The following ATP9A variants were observed in gnomAD, a reference collection of about 807,000 sequenced individuals.
ATP9A encodes probable phospholipid-transporting ATPase IIA.
A neutral mutation model predicts 144.1 loss-of-function variants in ATP9A; 52 were observed. The ratio of observed to expected loss-of-function variants is 0.36; its 90% CI spans 0.29 to 0.45. ATP9A has a LOEUF of 0.45. ATP9A is among the 20% of genes least tolerant of loss of function. ATP9A has a pLI of 1.00. For synonymous variants in ATP9A, 582 were observed against 557.4 expected (o/e 1.04, Z -0.62); for missense variants, 947 against 1,392.7 (o/e 0.68, Z 5.09).
intron 6 of ATP9A, among the ~76,000 whole-genome samples, chr20:51,695,679 C>T (rs766665238): frequency 6.6e-5 from 10 of 152,070 alleles, no homozygotes; most frequent in Admixed American, 1.3e-4. Context: ...GAAAAGACGC[C>T]CACCTCTCCC....
At chr20:51,653,292 G>A (rs2077374703) in intron 14 of ATP9A, among the ~76,000 whole-genome samples, 1 of 151,886 alleles carries the variant, frequency 6.6e-6, no homozygotes. Context: ...TTGAGAAAAA[G>A]CGGCCGAGAA....
chr20:51,672,496 C>T (rs1049359566), intron 11 of ATP9A, among the ~76,000 whole-genome samples: 5 of 152,126 alleles, frequency 3.3e-5, no homozygotes, highest in African/African-American at 1.2e-4. Context: ...GCAGTCAAGT[C>T]ACTAAAGTGG....
intron 4 of ATP9A, among the ~76,000 whole-genome samples, chr20:51,711,852 ATTTTTTTTTTTTTTT>A (rs11469394): frequency 8.3e-6 from 1 of 120,922 alleles, no homozygotes; most frequent in South Asian, 2.6e-4. Context: ...TTCAATTTCA[ATTTTTTTTTTTTTTT>A]TTTTTTTGAG....
At chr20:51,628,275 C>T (rs146764729) in intron 16 of ATP9A, among the ~76,000 whole-genome samples, 1 of 152,318 alleles carries the variant, frequency 6.6e-6, no homozygotes, top group Non-Finnish European at 1.5e-5. Context: ...CAAAAATGGC[C>T]TGAAAACTGC....
chr20:51,727,918 G>A (rs1230098859), intron 2 of ATP9A, among the ~76,000 whole-genome samples: 10 of 117,276 alleles, frequency 8.5e-5, no homozygotes, highest in African/African-American at 3.1e-4. Context: ...GCAACAGAGG[G>A]AGACTCAGTC....
Position 51,768,127 on chromosome 20 carries a change from G to A in ATP9A, c.68+175C>T, listed in dbSNP as rs1043920696. 5.4e-4 allele frequency among the ~76,000 whole-genome samples: 82 copies of A among 152,044 alleles called. 1 individual carries two copies. The highest frequency in any genetic ancestry group is 1.9e-3 in the African/African-American group (78 of 41,520). On this transcript the variant is annotated intron_variant, in intron 1 of 27. Coordinates refer to ENST00000338821, the MANE Select transcript of ATP9A (RefSeq NM_006045.3). ...AAGGGCCGGCATCAGGCTAGGTGCC[G>A]CCCGGGGCTGAAGCGCAGGGACCCC...
chr20:51,743,726 T>C (rs150972334), intron 1 of ATP9A, among the ~76,000 whole-genome samples: 3,201 of 13,694 alleles, frequency 0.23, 47 homozygotes, highest in East Asian at 0.35. Flanking sequence ...AGTAAGAAAT[T>C]AGGCCGGGCA....
At chr20:51,695,418 G>A (rs893000929) in intron 6 of ATP9A, among the ~76,000 whole-genome samples, 3 of 145,402 alleles carry the variant, frequency 2.1e-5, no homozygotes, top group Non-Finnish European at 4.5e-5. Flanking sequence ...AGCCGAGATC[G>A]TACCACTACA....
chr20:51,647,300 G>A (rs2122757618), intron 14 of ATP9A, among the ~76,000 whole-genome samples: 1 of 152,250 alleles, frequency 6.6e-6, no homozygotes, highest in East Asian at 1.9e-4. Flanking sequence ...TGTAATCCCA[G>A]CACTTTGTGG....
intron 4 of ATP9A, among the ~76,000 whole-genome samples, chr20:51,710,665 A>G (rs968722933): frequency 2.0e-5 from 3 of 152,196 alleles, no homozygotes; most frequent in African/African-American, 7.2e-5. Flanking sequence ...TGTTTTCCCT[A>G]GAGTGGGATT....
At chr20:51,638,076 TATATATATATATATATATA>T (rs2077301511) in intron 15 of ATP9A, among the ~76,000 whole-genome samples, 4 of 13,738 alleles carry the variant, frequency 2.9e-4, no homozygotes, top group Admixed American at 8.3e-4. Context: ...TCATTTTATA[TATATATATATATATATATA>T]TATATATATA....
chr20:51,690,854 C>T (rs1187384349), intron 7 of ATP9A, 35 bp from the exon 8 acceptor site: 2 of 1,572,868 alleles, frequency 1.3e-6, no homozygotes, highest in Non-Finnish European at 8.8e-7. Flanking sequence ...GAGTCAAAGT[C>T]AGTTCACAAT....
Position 51,607,599 on chromosome 20 carries a change from G to A in ATP9A, c.2746-15C>T. The A allele has an allele frequency of 1.9e-6, 3 of 1,610,030 alleles. No individual in the cohort carries two copies. The highest frequency in any genetic ancestry group is 1.7e-6 in the Non-Finnish European group (2 of 1,176,520). ...AACGGCCGTCCCTGAATGAGAGACA[G>A]AGAAAGGTTAGAGCCGGTTTCGCGG... On this transcript the variant is annotated splice_polypyrimidine_tract_variant and intron_variant, in intron 25 of 27. Transcript: ENST00000338821.
chr20:51,608,482 G>C, intron 25 of ATP9A, 36 bp downstream of exon 25: 1 of 1,350,268 alleles, frequency 7.4e-7, no homozygotes, highest in Non-Finnish European at 1.1e-6. Flanking sequence ...AGCAAAGGAG[G>C]AAAGGAGGAA....
At position 51,600,388 on chromosome 20, in the gene ATP9A, CT is replaced by C. The variant is rs2077137229; in HGVS notation, c.*822del. The C allele has an allele frequency of 6.6e-6, 1 of 152,216 alleles. No homozygotes were observed. The allele number at this position is 152,216 out of a possible 1,614,324, so 9.4% of individuals were successfully genotyped here. A position where few individuals can be genotyped will look rare whatever the true frequency, so the allele number is the denominator to read the frequency against. On this transcript the variant is annotated 3_prime_UTR_variant, in exon 28 of 28. Transcript: ENST00000338821. ...AGTGGCACGTTTCCTGCTAAAACAA[CT>C]CTGCTGAAAATGTCTGAGGTCCTTC...
At chr20:51,740,707 T>C (rs944672006) in intron 1 of ATP9A, among the ~76,000 whole-genome samples, 3 of 150,172 alleles carry the variant, frequency 2.0e-5, no homozygotes, top group Non-Finnish European at 4.4e-5. Flanking sequence ...TGGCTGGGAC[T>C]ACAGGTGTGT....
intron 18 of ATP9A, 120 bp from the exon 19 acceptor site, chr20:51,622,292 C>T (rs557987293): frequency 5.2e-6 from 4 of 767,928 alleles, no homozygotes; most frequent in South Asian, 4.9e-5. Flanking sequence ...TACCTCCTGC[C>T]GACTCATGCT....
chr20:51,761,558 C>T (rs568557361), intron 1 of ATP9A, among the ~76,000 whole-genome samples: 1 of 151,826 alleles, frequency 6.6e-6, no homozygotes, highest in African/African-American at 2.4e-5. Flanking sequence ...TCAGGAGATC[C>T]AGACCATCCT....
chr20:51,728,151 T>C (rs1321423599), intron 2 of ATP9A, among the ~76,000 whole-genome samples: 1 of 152,214 alleles, frequency 6.6e-6, no homozygotes, highest in East Asian at 1.9e-4. Context: ...TTGGTGCCTC[T>C]TGAGCCACTC....
Sources: gnomAD v4.1 joint callset for allele counts (sites outside exome capture counted in the v4.1 genomes callset) on GRCh38, gnomAD v4.1.1 for gene constraint, MANE v1.5 for transcripts, NCBI Gene and HGNC (gene_info 2026-07-23, HGNC 2026-07-21) for gene names.